The following AUTS2 variants were observed in gnomAD, a reference collection of about 807,000 sequenced individuals.
The protein encoded by AUTS2 is autism susceptibility gene 2 protein.
A neutral mutation model predicts 112.4 loss-of-function variants in AUTS2; 17 were observed. The ratio of observed to expected loss-of-function variants is 0.15; its 90% CI spans 0.10 to 0.23. The LOEUF is 0.23. Among genes scored for constraint, AUTS2 ranks in the 10% least tolerant of loss-of-function variants. The pLI is 1.00. For synonymous variants in AUTS2, 751 were observed against 702.7 expected (o/e 1.07, Z -1.09); for missense variants, 1,510 against 1,701.6 (o/e 0.89, Z 1.98).
At chr7:70,519,528 T>G (rs1005119347) in intron 5 of AUTS2, among the ~76,000 whole-genome samples, 4 of 152,198 alleles carry the variant, frequency 2.6e-5, no homozygotes, top group African/African-American at 9.7e-5. Context: ...CAGTTAGAAT[T>G]TAATGTAGGA....
At chr7:69,925,318 A>G (rs1019473665) in intron 2 of AUTS2, among the ~76,000 whole-genome samples, 2 of 152,016 alleles carry the variant, frequency 1.3e-5, no homozygotes, top group African/African-American at 4.8e-5. Context: ...TCTGGCTTTT[A>G]AAAGTAGGAG....
At chr7:70,757,044 T>G (rs192382403) in intron 6 of AUTS2, among the ~76,000 whole-genome samples, 1 of 152,276 alleles carries the variant, frequency 6.6e-6, no homozygotes, top group East Asian at 1.9e-4. Flanking sequence ...TCCCACAAAT[T>G]TCCATCTCTT....
At position 69,602,018 on chromosome 7, in the gene AUTS2, GTGTA is replaced by G. The variant is rs1212554987; in HGVS notation, c.309+2058_309+2061del. Among the ~76,000 whole-genome samples, 169 of 23,052 alleles carry G rather than the reference GTGTA, an allele frequency of 7.3e-3. 5 individuals carry two copies. Among genetic ancestry groups the G allele is most frequent in the Non-Finnish European group, 2.8e-3 (30 of 10,572 alleles). 15.1% of individuals were successfully genotyped at this position (23,052 alleles called of 152,430 possible). On this transcript the variant is annotated intron_variant, in intron 1 of 18. Coordinates refer to ENST00000342771, the MANE Select transcript of AUTS2 (RefSeq NM_015570.4). ...AGGACAAGTAGGGATATATGTGTGT[GTGTA>G]TATATATATATATATATATGTGTGT...
chr7:70,650,477 T>A (rs1461466285), intron 5 of AUTS2, among the ~76,000 whole-genome samples: 1 of 152,214 alleles, frequency 6.6e-6, no homozygotes, highest in Non-Finnish European at 1.5e-5. Flanking sequence ...GAATCAGGCA[T>A]GTGGTTTAAT....
chr7:70,146,276 C>T (rs1442623513), intron 4 of AUTS2, among the ~76,000 whole-genome samples: 1 of 151,880 alleles, frequency 6.6e-6, no homozygotes. Flanking sequence ...AAAAAAAATT[C>T]TGCTTTACTT....
intron 6 of AUTS2, among the ~76,000 whole-genome samples, chr7:70,733,542 C>A (rs1281169372): frequency 7.2e-6 from 1 of 138,400 alleles, no homozygotes; most frequent in Admixed American, 7.3e-5. Context: ...CACCACCCCC[C>A]TACCCCCACA....
intron 5 of AUTS2, among the ~76,000 whole-genome samples, chr7:70,646,337 G>A (rs985286369): frequency 1.3e-5 from 2 of 152,192 alleles, no homozygotes; most frequent in African/African-American, 4.8e-5. Context: ...CACCAGAGGG[G>A]CCATTTCCCT....
At chr7:69,957,605 A>G (rs927840729) in intron 2 of AUTS2, among the ~76,000 whole-genome samples, 5 of 152,112 alleles carry the variant, frequency 3.3e-5, no homozygotes, top group Admixed American at 6.6e-5. Flanking sequence ...ATTTTTTTGT[A>G]CTGATAAAGA....
At chr7:70,533,724 CAA>C (rs765740904) in intron 5 of AUTS2, among the ~76,000 whole-genome samples, 9 of 152,316 alleles carry the variant, frequency 5.9e-5, no homozygotes, top group African/African-American at 1.9e-4. Flanking sequence ...CATAGTCAGA[CAA>C]AGAGTTGGAT....
intron 5 of AUTS2, among the ~76,000 whole-genome samples, chr7:70,592,536 A>AT (rs1205483657): frequency 2.0e-5 from 3 of 151,648 alleles, no homozygotes; most frequent in African/African-American, 4.9e-5. Flanking sequence ...TAATTTTTGT[A>AT]TTTTTAGTAG....
intron 5 of AUTS2, among the ~76,000 whole-genome samples, chr7:70,532,253 C>T (rs565433849): frequency 1.3e-5 from 2 of 152,262 alleles, no homozygotes; most frequent in East Asian, 3.9e-4. Context: ...CCAGAGTTAA[C>T]GTGGGAAGTG....
chr7:70,569,308 G>T (rs1801842694), intron 5 of AUTS2, among the ~76,000 whole-genome samples: 1 of 152,180 alleles, frequency 6.6e-6, no homozygotes, highest in Admixed American at 6.5e-5. Flanking sequence ...CATAAAGTTG[G>T]TTCAAACCAA....
At chr7:69,945,203 A>G (rs1386439929) in intron 2 of AUTS2, among the ~76,000 whole-genome samples, 1 of 152,184 alleles carries the variant, frequency 6.6e-6, no homozygotes, top group Non-Finnish European at 1.5e-5. Context: ...CACCACAAGC[A>G]ATTTTAGAAC....
chr7:70,349,323 G>A (rs560450456), intron 4 of AUTS2, among the ~76,000 whole-genome samples: 1 of 146,842 alleles, frequency 6.8e-6, no homozygotes, highest in African/African-American at 2.6e-5. Flanking sequence ...TAGAATAATA[G>A]AATTTTTATA....
chr7:70,597,678 C>T (rs376659959), intron 5 of AUTS2, among the ~76,000 whole-genome samples: 3 of 152,312 alleles, frequency 2.0e-5, no homozygotes, highest in African/African-American at 7.2e-5. Flanking sequence ...AATCCCTGCT[C>T]AGAGGATAAT....
At chr7:70,233,432 C>T (rs1584911445) in intron 4 of AUTS2, among the ~76,000 whole-genome samples, 1 of 151,972 alleles carries the variant, frequency 6.6e-6, no homozygotes, top group Non-Finnish European at 1.5e-5. Flanking sequence ...CAAACATTGT[C>T]GAGATTTCTG....
chr7:70,705,585 A>C (rs1809692803), intron 6 of AUTS2, among the ~76,000 whole-genome samples: 2 of 152,228 alleles, frequency 1.3e-5, no homozygotes, highest in Admixed American at 1.3e-4. Context: ...AGGAGATTCC[A>C]GACTCTCCTG....
At chr7:70,537,575 A>G (rs1800373251) in intron 5 of AUTS2, among the ~76,000 whole-genome samples, 1 of 152,216 alleles carries the variant, frequency 6.6e-6, no homozygotes, top group African/African-American at 2.4e-5. Flanking sequence ...CTAGTGACTG[A>G]TGCACATTGT....
At chr7:70,170,633 G>A (rs942900269) in intron 4 of AUTS2, among the ~76,000 whole-genome samples, 1 of 101,860 alleles carries the variant, frequency 9.8e-6, no homozygotes, top group African/African-American at 3.9e-5. Flanking sequence ...TCTTGCTCTT[G>A]TCCCCCAGGC....
Sources: allele counts gnomAD v4.1 joint callset (sites outside exome capture counted in the v4.1 genomes callset), GRCh38; gene constraint gnomAD v4.1.1; transcripts MANE v1.5; gene names NCBI Gene and HGNC (gene_info 2026-07-23, HGNC 2026-07-21).